The following BDNF variants were observed in gnomAD, a reference collection of about 807,000 sequenced individuals.
The protein encoded by BDNF is brain derived neurotrophic factor, also known as neurotrophic factor BDNF precursor form.
BDNF carries 1 observed loss-of-function variant against 19.5 expected under a neutral mutation model. That is an observed-to-expected ratio of 0.05 (90% CI 0.02 to 0.24). The LOEUF (loss-of-function observed/expected upper bound fraction) is 0.24, where lower values mean the gene tolerates loss of function less well. Ranked by LOEUF, BDNF falls within the 10% of genes least tolerant of loss-of-function variation. The pLI is 1.00. For missense variants in BDNF, 195 were observed against 317.6 expected (o/e 0.61, Z 2.93); for synonymous variants, 100 against 121.6 (o/e 0.82, Z 1.17).
intron 1 of BDNF, among the ~76,000 whole-genome samples, chr11:27,698,794 G>A (rs778777441): frequency 2.0e-5 from 3 of 152,006 alleles, no homozygotes; most frequent in Non-Finnish European, 2.9e-5. Context: ...ACATTCCTGC[G>A]TGCTTGTCGG....
At position 27,657,050 on chromosome 11, in the gene BDNF, A is replaced by C; in HGVS notation, c.*771T>G. 1 of 985,560 alleles carries C rather than the reference A, an allele frequency of 1.0e-6. No homozygotes were observed. The highest frequency in any genetic ancestry group is 1.2e-6 in the Non-Finnish European group (1 of 829,996). 61.1% of individuals were successfully genotyped at this position (985,560 alleles called of 1,614,324 possible). On this transcript the variant is annotated 3_prime_UTR_variant, in exon 2 of 2. Coordinates refer to ENST00000356660, the MANE Select transcript of BDNF (RefSeq NM_001709.5). The surrounding 1 kb of genome is among the most constrained non-coding windows in gnomAD (Gnocchi z 5.0). ...GCCCAAAGAATGAGCGGGGCCTGGG[A>C]GGTGCATCACGGGATGTGGAGTGTG...
chr11:27,668,429 A>C (rs959914520), intron 1 of BDNF, among the ~76,000 whole-genome samples: 3 of 152,172 alleles, frequency 2.0e-5, no homozygotes, highest in African/African-American at 7.2e-5. Context: ...ACTGAAGGAG[A>C]TAGAGACAGA....
At chr11:27,710,503 C>T (rs1372993390) in intron 1 of BDNF, among the ~76,000 whole-genome samples, 2 of 152,216 alleles carry the variant, frequency 1.3e-5, no homozygotes, top group Non-Finnish European at 2.9e-5. Context: ...ATGCTATTTT[C>T]AGGAAAGTTC....
chr11:27,662,616 A>G (rs1282518120), intron 1 of BDNF, among the ~76,000 whole-genome samples: 4 of 152,184 alleles, frequency 2.6e-5, no homozygotes, highest in Non-Finnish European at 5.9e-5. Flanking sequence ...TCCACCTTAG[A>G]TCATCAGTTA....
chr11:27,709,882 C>A (rs1465971541), intron 1 of BDNF, among the ~76,000 whole-genome samples: 1 of 152,192 alleles, frequency 6.6e-6, no homozygotes, highest in Non-Finnish European at 1.5e-5. Context: ...GATTTCAATG[C>A]ATGAAGGGAA....
chr11:27,701,153 A>G, upstream of BDNF: 2 of 1,226,680 alleles, frequency 1.6e-6, no homozygotes, highest in Non-Finnish European at 2.2e-6. Flanking sequence ...AGCATTTTTT[A>G]TTGATGAACG....
At chr11:27,674,848 G>A in intron 1 of BDNF, 13 of 925,770 alleles carry the variant, frequency 1.4e-5, no homozygotes, top group Non-Finnish European at 1.5e-5. Context: ...GTATTTGTTG[G>A]TGATAGGATT....
chr11:27,680,898 G>C (rs917756703), intron 1 of BDNF, among the ~76,000 whole-genome samples: 10 of 152,108 alleles, frequency 6.6e-5, no homozygotes, highest in African/African-American at 2.4e-4. Context: ...GAAATAAGTT[G>C]CCAAATAAGA....
chr11:27,681,365 A>T (rs1856811977), intron 1 of BDNF, among the ~76,000 whole-genome samples: 1 of 152,206 alleles, frequency 6.6e-6, no homozygotes, highest in Non-Finnish European at 1.5e-5. Flanking sequence ...AGACAAAAAC[A>T]TCATATCTAC....
intron 1 of BDNF, among the ~76,000 whole-genome samples, chr11:27,665,083 C>T (rs1590253139): frequency 6.6e-6 from 1 of 152,204 alleles, no homozygotes; most frequent in Admixed American, 6.5e-5. Flanking sequence ...TTAACCTCTT[C>T]AATTAGAATT....
chr11:27,660,771 C>CAA (rs546450288), intron 1 of BDNF, among the ~76,000 whole-genome samples: 5 of 96,062 alleles, frequency 5.2e-5, no homozygotes, highest in Non-Finnish European at 6.9e-5. Flanking sequence ...AACTCCATCT[C>CAA]AAAAAAAAAA....
At chr11:27,691,441 C>G (rs1271269487) in intron 1 of BDNF, among the ~76,000 whole-genome samples, 1 of 152,138 alleles carries the variant, frequency 6.6e-6, no homozygotes, top group East Asian at 1.9e-4. Flanking sequence ...ATGAAAGAAC[C>G]ATTTGCTACA....
Position 27,700,386 on chromosome 11 carries a change from G to C in BDNF, c.-244C>G. 1.0e-6 allele frequency: 1 copy of C among 985,980 alleles called. No homozygotes were observed. Among genetic ancestry groups the C allele is most frequent in the Non-Finnish European group, 1.2e-6 (1 of 830,268 alleles). The allele number at this position is 985,980 out of a possible 1,614,324, so 61.1% of individuals were successfully genotyped here. On this transcript the variant is annotated 5_prime_UTR_variant, in exon 1 of 2. Coordinates refer to ENST00000356660, the MANE Select transcript of BDNF (RefSeq NM_001709.5). ...GAGCCCGAGGCGCTACGGGGTGCGC[G>C]GGACAGCGAGCGGGCGGGTGCGCCC...
chr11:27,721,423 T>C, exon 1 of BDNF: 1 of 1,614,142 alleles, frequency 6.2e-7, no homozygotes. Flanking sequence ...ATTGTGCCTT[T>C]GCTGTCCTGG....
At chr11:27,704,021 AATCAAAC>A (rs1860014001), upstream of BDNF, among the ~76,000 whole-genome samples, 1 of 152,220 alleles carries the variant, frequency 6.6e-6, no homozygotes, top group Non-Finnish European at 1.5e-5. Context: ...GGAGGTCTAA[AATCAAAC>A]ATTTTACAAA....
At chr11:27,659,754 G>T in intron 1 of BDNF, 1 of 854,988 alleles carries the variant, frequency 1.2e-6, no homozygotes, top group Non-Finnish European at 1.4e-6. Flanking sequence ...TTCTGCTTTT[G>T]AAGTTTCCTG....
At chr11:27,674,707 G>T (rs1855856296) in intron 1 of BDNF, 4 of 985,216 alleles carry the variant, frequency 4.1e-6, no homozygotes, top group Non-Finnish European at 4.8e-6. Context: ...GAAAACATCT[G>T]TTTATCTCCA....
intron 1 of BDNF, among the ~76,000 whole-genome samples, chr11:27,661,791 G>A (rs1439960566): frequency 1.3e-5 from 2 of 152,084 alleles, no homozygotes; most frequent in Admixed American, 6.6e-5. Context: ...TTGGAGTGCC[G>A]TACACATTAC....
At chr11:27,713,761 C>G (rs181818860) in intron 1 of BDNF, among the ~76,000 whole-genome samples, 1 of 152,236 alleles carries the variant, frequency 6.6e-6, no homozygotes, top group East Asian at 1.9e-4. Flanking sequence ...AACATTCACT[C>G]AAAGGTTAAA....
Sources: gnomAD v4.1 joint callset for allele counts (sites outside exome capture counted in the v4.1 genomes callset) on GRCh38, gnomAD v4.1.1 for gene constraint, Gnocchi (gnomAD v3.1) non-coding constraint, MANE v1.5 for transcripts, NCBI Gene and HGNC (gene_info 2026-07-23, HGNC 2026-07-21) for gene names.